The following KHDRBS2 variants were observed in gnomAD, a reference collection of about 807,000 sequenced individuals.
KHDRBS2 encodes the protein KH domain-containing, RNA-binding, signal transduction-associated protein 2.
KHDRBS2 carries 26 observed loss-of-function variants against 44.3 expected under a neutral mutation model. The observed-to-expected ratio is 0.59, with a 90% confidence interval of 0.43 to 0.81. The LOEUF is 0.81. KHDRBS2 is among the 40% of genes least tolerant of loss of function. KHDRBS2 has a pLI of 0.00. For synonymous variants in KHDRBS2, 194 were observed against 151.1 expected (o/e 1.28, Z -2.08); for missense variants, 476 against 433.1 (o/e 1.10, Z -0.88).
chr6:61,927,226 T>C (rs1487312195), intron 4 of KHDRBS2, among the ~76,000 whole-genome samples: 2 of 152,074 alleles, frequency 1.3e-5, no homozygotes, highest in African/African-American at 4.8e-5. Flanking sequence ...TAAATGATAA[T>C]AAATGGAAAG....
chr6:61,649,274 AGCTACT>A, the KHDRBS2 span, among the ~76,000 whole-genome samples: 1 of 152,178 alleles, frequency 6.6e-6, no homozygotes, highest in Admixed American at 6.6e-5. Flanking sequence ...CATGGGATTT[AGCTACT>A]GCTAGCAGAT....
chr6:61,774,458 C>CA (rs1419732417), intron 6 of KHDRBS2, among the ~76,000 whole-genome samples: 1 of 152,000 alleles, frequency 6.6e-6, no homozygotes, highest in Non-Finnish European at 1.5e-5. Flanking sequence ...TCTCAGGATA[C>CA]AAAATCAATG....
intron 4 of KHDRBS2, among the ~76,000 whole-genome samples, chr6:61,929,619 A>T (rs1467928692): frequency 6.6e-6 from 1 of 152,172 alleles, no homozygotes; most frequent in Non-Finnish European, 1.5e-5. Context: ...TCACAAAGAG[A>T]GATAAAATTG....
intron 2 of KHDRBS2, among the ~76,000 whole-genome samples, chr6:62,176,668 G>A (rs1156574755): frequency 6.6e-6 from 1 of 151,064 alleles, no homozygotes; most frequent in Non-Finnish European, 1.5e-5. Context: ...TTTAAAGAAA[G>A]ATGTAACATT....
the KHDRBS2 span, among the ~76,000 whole-genome samples, chr6:61,551,953 A>G: frequency 6.6e-6 from 1 of 152,184 alleles, no homozygotes; most frequent in East Asian, 1.9e-4. Flanking sequence ...TTTGGCTCCC[A>G]ACTTGGATGC....
At chr6:61,912,352 T>G (rs1435096676) in intron 4 of KHDRBS2, among the ~76,000 whole-genome samples, 1 of 152,168 alleles carries the variant, frequency 6.6e-6, no homozygotes, top group Admixed American at 6.6e-5. Flanking sequence ...TAGGTATATG[T>G]CATTTATTCT....
chr6:61,950,111 G>A (rs942332422), intron 4 of KHDRBS2, among the ~76,000 whole-genome samples: 2 of 151,976 alleles, frequency 1.3e-5, no homozygotes, highest in Admixed American at 1.3e-4. Flanking sequence ...CTGTATGTTT[G>A]GGAATAGCAC....
At chr6:61,645,298 C>T in the KHDRBS2 span, among the ~76,000 whole-genome samples, 24 of 151,832 alleles carry the variant, frequency 1.6e-4, no homozygotes, top group East Asian at 3.5e-3. Flanking sequence ...GAAAAGCACA[C>T]ATTAGGGTCT....
chr6:61,558,608 T>C, the KHDRBS2 span, among the ~76,000 whole-genome samples: 1 of 152,148 alleles, frequency 6.6e-6, no homozygotes, highest in Admixed American at 6.6e-5. Flanking sequence ...GGTTTTAGTA[T>C]GTTGTGTTTC....
At chr6:62,235,125 G>A (rs1275639891) in intron 1 of KHDRBS2, among the ~76,000 whole-genome samples, 11 of 118,648 alleles carry the variant, frequency 9.3e-5, no homozygotes, top group Non-Finnish European at 3.4e-5. Flanking sequence ...TTGGACTAAT[G>A]CTTACGTGAT....
chr6:61,790,522 CA>C (rs888297544), intron 6 of KHDRBS2, among the ~76,000 whole-genome samples: 5 of 151,310 alleles, frequency 3.3e-5, no homozygotes, highest in Non-Finnish European at 7.4e-5. Flanking sequence ...ACATAGTCCT[CA>C]AAATAACTAA....
intron 2 of KHDRBS2, among the ~76,000 whole-genome samples, chr6:62,139,318 C>T (rs1427028075): frequency 2.0e-5 from 3 of 151,938 alleles, no homozygotes; most frequent in Admixed American, 1.3e-4. Flanking sequence ...TTTGGGATGC[C>T]GAGGTAGGTG....
At chr6:61,773,112 T>C (rs1781268030) in intron 6 of KHDRBS2, among the ~76,000 whole-genome samples, 1 of 152,158 alleles carries the variant, frequency 6.6e-6, no homozygotes, top group Non-Finnish European at 1.5e-5. Flanking sequence ...CGTGTGCATG[T>C]GTCTTTATAG....
intron 6 of KHDRBS2, among the ~76,000 whole-genome samples, chr6:61,826,691 C>T (rs1432380337): frequency 1.3e-5 from 2 of 152,050 alleles, no homozygotes; most frequent in East Asian, 1.9e-4. Flanking sequence ...AAGAAACTCA[C>T]GTTGAGTGTT....
At chr6:61,612,177 G>A in the KHDRBS2 span, among the ~76,000 whole-genome samples, 1 of 152,042 alleles carries the variant, frequency 6.6e-6, no homozygotes, top group Non-Finnish European at 1.5e-5. Flanking sequence ...AAGCATATAT[G>A]TTCAGTATCT....
At chr6:61,848,595 T>G (rs1436094873) in intron 6 of KHDRBS2, among the ~76,000 whole-genome samples, 2 of 105,920 alleles carry the variant, frequency 1.9e-5, no homozygotes, top group African/African-American at 3.4e-5. Flanking sequence ...ATATATATAC[T>G]TTTTTTTAAC....
intron 3 of KHDRBS2, among the ~76,000 whole-genome samples, chr6:62,044,966 C>T (rs1486131878): frequency 6.6e-6 from 1 of 152,032 alleles, no homozygotes; most frequent in Admixed American, 6.6e-5. Flanking sequence ...GTTACATCCA[C>T]ATTGACATGT....
intron 7 of KHDRBS2, among the ~76,000 whole-genome samples, chr6:61,728,829 A>G (rs999851161): frequency 6.6e-6 from 1 of 152,112 alleles, no homozygotes; most frequent in African/African-American, 2.4e-5. Context: ...TTTTTTTACT[A>G]TATTTTCTTT....
At chr6:61,576,285 G>A in the KHDRBS2 span, among the ~76,000 whole-genome samples, 6 of 152,056 alleles carry the variant, frequency 3.9e-5, no homozygotes. Flanking sequence ...AGTGTTCCTT[G>A]TGTAGATCCT....
Sources: allele counts gnomAD v4.1 joint callset (sites outside exome capture counted in the v4.1 genomes callset), GRCh38; gene constraint gnomAD v4.1.1; transcripts MANE v1.5; gene names NCBI Gene and HGNC (gene_info 2026-07-23, HGNC 2026-07-21).